The following WWOX variants were observed in gnomAD, a reference collection of about 807,000 sequenced individuals.
WWOX encodes the protein WW domain containing oxidoreductase.
In WWOX, 69 loss-of-function variants were observed where a neutral mutation model predicts 46.2. The observed-to-expected ratio is 1.49, with a 90% CI of 1.23 to 1.82. The LOEUF is 1.82. Ranked by LOEUF, WWOX falls within the 40% of genes most tolerant of loss-of-function variation. WWOX has a pLI of 0.00. For missense variants in WWOX, 919 were observed against 542.6 expected (o/e 1.69, Z -6.89); for synonymous variants, 359 against 202.6 (o/e 1.77, Z -6.56).
intron 5 of WWOX, among the ~76,000 whole-genome samples, chr16:78,338,376 A>G (rs925143769): frequency 1.7e-5 from 2 of 120,886 alleles, no homozygotes; most frequent in East Asian, 1.9e-4. Flanking sequence ...TGTTTTCCCC[A>G]GTTGTAAAGT....
At chr16:79,008,763 A>G (rs1245412156) in intron 8 of WWOX, among the ~76,000 whole-genome samples, 1 of 152,164 alleles carries the variant, frequency 6.6e-6, no homozygotes, top group Non-Finnish European at 1.5e-5. Flanking sequence ...CAGCAAACAA[A>G]GGGAGATCAC....
intron 5 of WWOX, among the ~76,000 whole-genome samples, chr16:78,362,736 G>C (rs1249457552): frequency 6.6e-6 from 1 of 152,210 alleles, no homozygotes; most frequent in Non-Finnish European, 1.5e-5. Context: ...CCTAAAAATA[G>C]TAGACACAGT....
At chr16:78,990,450 C>T (rs1001292141) in intron 8 of WWOX, among the ~76,000 whole-genome samples, 7 of 152,070 alleles carry the variant, frequency 4.6e-5, no homozygotes, top group African/African-American at 1.7e-4. Flanking sequence ...TTTCCAGAGT[C>T]CGGAGCTACT....
chr16:78,999,115 A>G (rs182849294), intron 8 of WWOX, among the ~76,000 whole-genome samples: 314 of 152,220 alleles, frequency 2.1e-3, no homozygotes, highest in African/African-American at 7.2e-3. Flanking sequence ...AGCCAGCTCA[A>G]GAACCCAGCG....
At chr16:78,672,906 C>T (rs1250811752) in intron 8 of WWOX, among the ~76,000 whole-genome samples, 2 of 152,222 alleles carry the variant, frequency 1.3e-5, no homozygotes, top group Non-Finnish European at 2.9e-5. Context: ...CTGATAAATG[C>T]TGTGCCTTCC....
intron 6 of WWOX, among the ~76,000 whole-genome samples, chr16:78,394,439 ACTTAGTGTAT>A (rs67048088): frequency 0.2 from 30,073 of 151,976 alleles, 3,543 homozygotes; most frequent in East Asian, 0.42. Context: ...ACTGTGAAAT[ACTTAGTGTAT>A]CTAGAAACAT....
intron 5 of WWOX, among the ~76,000 whole-genome samples, chr16:78,193,027 T>C (rs2035931814): frequency 6.6e-6 from 1 of 152,234 alleles, no homozygotes; most frequent in African/African-American, 2.4e-5. Flanking sequence ...ACGGGTGGGC[T>C]TTCCTGGGCT....
chr16:78,269,875 C>T (rs529778713), intron 5 of WWOX, among the ~76,000 whole-genome samples: 20 of 146,246 alleles, frequency 1.4e-4, no homozygotes, highest in Non-Finnish European at 3.0e-4. Context: ...TATTAGTTTT[C>T]ATTTACATCT....
intron 8 of WWOX, among the ~76,000 whole-genome samples, chr16:78,661,041 T>G (rs2047198573): frequency 6.6e-6 from 1 of 152,200 alleles, no homozygotes; most frequent in Non-Finnish European, 1.5e-5. Flanking sequence ...TAATGAATGT[T>G]CCTGCATGTA....
At chr16:78,967,723 G>C (rs1292505683) in intron 8 of WWOX, among the ~76,000 whole-genome samples, 1 of 152,100 alleles carries the variant, frequency 6.6e-6, no homozygotes, top group Non-Finnish European at 1.5e-5. Flanking sequence ...CACCATGAAC[G>C]GTCAGGACCT....
rs770308882 is a variant in WWOX, at chr16:79,109,315, G to A, written c.1057-102293G>A. Among the ~76,000 whole-genome samples the A allele has an allele frequency of 4.6e-5, 7 of 152,210 alleles. No homozygotes were observed. The South Asian group carries it at 8.3e-4, about 18-fold the overall frequency. On this transcript the variant is annotated intron_variant, in intron 8 of 8. Transcript: ENST00000566780. ...GTCTCCCAGACCCCCAGTTTCTATC[G>A]AGCTACTGTAACTTTAAAAAGATTT... is the stretch of plus-strand genomic sequence containing the variant.
intron 8 of WWOX, among the ~76,000 whole-genome samples, chr16:78,908,459 G>T (rs1003358300): frequency 2.6e-5 from 4 of 151,388 alleles, no homozygotes; most frequent in Non-Finnish European, 5.9e-5. Flanking sequence ...AGAACTGCTT[G>T]AACCTGGGAG....
chr16:78,888,675 C>G (rs911271923), intron 8 of WWOX, among the ~76,000 whole-genome samples: 2 of 152,198 alleles, frequency 1.3e-5, no homozygotes, highest in Non-Finnish European at 2.9e-5. Context: ...TTCTGAGATG[C>G]TCTTGTGGCT....
In WWOX at chr16:79,174,386, C is replaced by T. The variant is rs568339287; in HGVS notation, c.1057-37222C>T. Among the ~76,000 whole-genome samples, 82 of 152,246 alleles carry T rather than the reference C, an allele frequency of 5.4e-4. 1 individual carries two copies. The highest frequency in any genetic ancestry group is 3.5e-3 in the South Asian group (17 of 4,818). ...GGGACTAGCCGGGTGTGGTGGCTCACGCCTGTAATCCCAGCTCTTTGGGAG... is the reference window on the plus strand; with the variant it reads ...GGGACTAGCCGGGTGTGGTGGCTCATGCCTGTAATCCCAGCTCTTTGGGAG... On this transcript the variant is annotated intron_variant, in intron 8 of 8. Coordinates refer to ENST00000566780, the MANE Select transcript of WWOX (RefSeq NM_016373.4).
intron 5 of WWOX, among the ~76,000 whole-genome samples, chr16:78,365,614 G>A (rs944856960): frequency 1.3e-5 from 2 of 152,204 alleles, no homozygotes; most frequent in African/African-American, 4.8e-5. Flanking sequence ...TCCACATTAT[G>A]AAGTGGCTCT....
At chr16:78,702,044 T>TATATAAAA (rs1419045896) in intron 8 of WWOX, among the ~76,000 whole-genome samples, 1 of 110,032 alleles carries the variant, frequency 9.1e-6, no homozygotes, top group African/African-American at 3.8e-5. Flanking sequence ...TATATATATA[T>TATATAAAA]AAAATAATGC....
intron 8 of WWOX, chr16:78,896,424 C>A (rs1481374111): frequency 1.3e-5 from 2 of 152,128 alleles, no homozygotes; most frequent in Non-Finnish European, 2.9e-5. Context: ...TATTCTACAT[C>A]CGTTAGCACA....
chr16:78,545,909 G>T (rs1429897358), intron 8 of WWOX, among the ~76,000 whole-genome samples: 1 of 152,022 alleles, frequency 6.6e-6, no homozygotes, highest in African/African-American at 2.4e-5. Context: ...CTTGGATTAG[G>T]GCACCACGCT....
intron 8 of WWOX, among the ~76,000 whole-genome samples, chr16:78,587,330 GC>G (rs2045234628): frequency 6.6e-6 from 1 of 151,742 alleles, no homozygotes; most frequent in Admixed American, 6.6e-5. Context: ...ACTGCGTGAG[GC>G]CCAGTTAGTA....
Sources: gnomAD v4.1 joint callset for allele counts (sites outside exome capture counted in the v4.1 genomes callset) on GRCh38, gnomAD v4.1.1 for gene constraint, MANE v1.5 for transcripts, NCBI Gene and HGNC (gene_info 2026-07-23, HGNC 2026-07-21) for gene names.